Variants in GGACT observed in about 807,000 individuals in gnomAD.
GGACT encodes the protein gamma-glutamylamine cyclotransferase.
For synonymous variants in GGACT, 118 were observed against 115.3 expected (o/e 1.02, Z -0.15); for missense variants, 241 against 233.2 (o/e 1.03, Z -0.22).
chr13:100,561,339 T>G (rs1257882292), intron 2 of GGACT, among the ~76,000 whole-genome samples: 1 of 152,242 alleles, frequency 6.6e-6, no homozygotes, highest in African/African-American at 2.4e-5. Context: ...ATGTGAATTA[T>G]TTCTCAATAA....
intron 2 of GGACT, among the ~76,000 whole-genome samples, chr13:100,579,871 T>A (rs1368216493): frequency 6.6e-6 from 1 of 152,200 alleles, no homozygotes; most frequent in East Asian, 1.9e-4. Flanking sequence ...GTGTCAGCCA[T>A]GACCCTTATG....
At chr13:100,575,495 G>C (rs1008174739) in intron 2 of GGACT, among the ~76,000 whole-genome samples, 7 of 152,034 alleles carry the variant, frequency 4.6e-5, no homozygotes, top group Non-Finnish European at 7.4e-5. Flanking sequence ...TAAGGAAAAA[G>C]GTATTCAAAT....
intron 2 of GGACT, among the ~76,000 whole-genome samples, chr13:100,553,596 G>A (rs539269264): frequency 2.0e-5 from 3 of 152,204 alleles, no homozygotes; most frequent in South Asian, 4.1e-4. Flanking sequence ...CTGTAATCCT[G>A]GCACTTTGGG....
chr13:100,566,818 C>T (rs1041651483), intron 2 of GGACT, among the ~76,000 whole-genome samples: 1 of 152,250 alleles, frequency 6.6e-6, no homozygotes, highest in Non-Finnish European at 1.5e-5. Context: ...ACCACCTTCT[C>T]GCAGACAGTT....
chr13:100,569,809 A>G (rs1875025528), intron 2 of GGACT, among the ~76,000 whole-genome samples: 1 of 152,126 alleles, frequency 6.6e-6, no homozygotes. Flanking sequence ...AACTTCTACC[A>G]CCAGATACCC....
Position 100,532,155 on chromosome 13 carries a change from C to A in GGACT, c.437G>T (p.Arg146Leu). ...TTATCTGTTCTCCCGGGGGTTGTAG[C>A]GCAGCCCGTGCGGCCCCTCGGAGTC... ...SYDSEGPHGL[R>L]YNPRENR The change falls in exon 3 of 3, where the codon CGC becomes CTC. Residue 146 changes from arginine to leucine, a missense_variant. Arg to Leu is a moderately radical substitution (Grantham distance 102). Transcript: ENST00000683975. 1 of 1,456,238 alleles carries A rather than the reference C, an allele frequency of 6.9e-7. No individual in the cohort carries two copies. The highest frequency in any genetic ancestry group is 1.4e-5 in the South Asian group (1 of 69,690). The allele number at this position is 1,456,238 out of a possible 1,614,324, so 90.2% of individuals were successfully genotyped here.
chr13:100,556,307 A>G (rs2088707921), intron 2 of GGACT, among the ~76,000 whole-genome samples: 1 of 152,216 alleles, frequency 6.6e-6, no homozygotes, highest in Non-Finnish European at 1.5e-5. Flanking sequence ...ACAAAAATCA[A>G]TTGTATTTGT....
chr13:100,571,253 G>A (rs1875074069), intron 2 of GGACT, among the ~76,000 whole-genome samples: 1 of 152,190 alleles, frequency 6.6e-6, no homozygotes, highest in Non-Finnish European at 1.5e-5. Flanking sequence ...TCCCCCAGCA[G>A]GCAAGCCTTG....
At chr13:100,577,051 A>G (rs1875267714) in intron 2 of GGACT, among the ~76,000 whole-genome samples, 1 of 152,224 alleles carries the variant, frequency 6.6e-6, no homozygotes, top group African/African-American at 2.4e-5. Context: ...AAGAGACAAG[A>G]GATACATAAA....
intron 2 of GGACT, among the ~76,000 whole-genome samples, chr13:100,579,580 G>C (rs999980613): frequency 1.3e-5 from 2 of 152,110 alleles, no homozygotes; most frequent in African/African-American, 2.4e-5. Context: ...CATTCCAGAG[G>C]GTCCTACCCC....
intron 2 of GGACT, among the ~76,000 whole-genome samples, chr13:100,558,905 A>G (rs1182673026): frequency 2.0e-5 from 3 of 152,204 alleles, no homozygotes; most frequent in Non-Finnish European, 2.9e-5. Context: ...TAAAAAAATA[A>G]AAGAAAAATC....
intron 2 of GGACT, chr13:100,537,011 T>G (rs571224318): frequency 9.2e-5 from 14 of 152,478 alleles, no homozygotes; most frequent in African/African-American, 3.1e-4. Flanking sequence ...GCTGACTACT[T>G]GTCAGCCTCT....
rs1042033238 is a variant in GGACT at position 100,545,975 on chromosome 13, T to G, written c.-10-13374A>C. On this transcript the variant is annotated intron_variant, in intron 2 of 2. Coordinates refer to ENST00000683975, the MANE Select transcript of GGACT (RefSeq NM_001195087.2). This position sits in a 1 kb window ranked among gnomAD's most constrained non-coding sequence, Gnocchi z 4.4. The stretch of plus-strand genomic sequence containing the variant: ...CACCCAGAGTGCCTTTCCCCCTCTT[T>G]TCCTCCATCATCAGTAGGTGAAGGC... 3.3e-5 allele frequency among the ~76,000 whole-genome samples: 5 copies of G among 152,202 alleles called. No individual in the cohort carries two copies. The highest frequency in any genetic ancestry group is 9.7e-5 in the African/African-American group (4 of 41,444).
intron 2 of GGACT, chr13:100,578,937 T>A (rs2153017040): frequency 6.6e-6 from 1 of 152,282 alleles, no homozygotes. Context: ...TAATTAACAC[T>A]CAAAAGCTTG....
intron 2 of GGACT, among the ~76,000 whole-genome samples, chr13:100,576,143 A>T (rs1304487372): frequency 6.6e-6 from 1 of 152,256 alleles, no homozygotes; most frequent in Non-Finnish European, 1.5e-5. Context: ...AAAAATCAGA[A>T]AACCAATATT....
At chr13:100,540,260 G>C in intron 2 of GGACT, 2 of 1,219,178 alleles carry the variant, frequency 1.6e-6, no homozygotes, top group South Asian at 2.4e-5. Context: ...TTGGAGGCAC[G>C]GACCGGAGAG....
intron 2 of GGACT, among the ~76,000 whole-genome samples, chr13:100,581,532 A>G (rs1015802998): frequency 6.6e-6 from 1 of 152,252 alleles, no homozygotes; most frequent in African/African-American, 2.4e-5. Context: ...CCATAATGAT[A>G]TAAATGGCTG....
intron 2 of GGACT, among the ~76,000 whole-genome samples, chr13:100,555,124 C>G (rs1265516227): frequency 1.3e-5 from 2 of 152,162 alleles, no homozygotes; most frequent in African/African-American, 2.4e-5. Context: ...CCAATGTTTT[C>G]CAATAAATAC....
chr13:100,566,898 T>C (rs9518092), intron 2 of GGACT, among the ~76,000 whole-genome samples: 65,863 of 152,134 alleles, frequency 0.43, 14,864 homozygotes, highest in Non-Finnish European at 0.47. Flanking sequence ...CCCAATTGCA[T>C]GTAGCTATGT....
Sources: allele counts gnomAD v4.1 joint callset (sites outside exome capture counted in the v4.1 genomes callset), GRCh38; gene constraint gnomAD v4.1.1; non-coding constraint Gnocchi (gnomAD v3.1); transcripts MANE v1.5; gene names NCBI Gene and HGNC (gene_info 2026-07-23, HGNC 2026-07-21).